Variants in NAV3 observed in about 807,000 individuals in gnomAD.
The protein encoded by NAV3 is neuron navigator 3, also known as pore membrane and/or filament interacting like protein 1.
NAV3 carries 87 observed loss-of-function variants against 244.7 expected under a neutral mutation model. The observed-to-expected ratio is 0.36, with a 90% CI of 0.30 to 0.42. The LOEUF (loss-of-function observed/expected upper bound fraction) is 0.42, where lower values mean the gene tolerates loss of function less well. NAV3 is among the 20% of genes least tolerant of loss of function. The probability of loss-of-function intolerance (pLI) is 1.00; values close to 1 mark genes in which losing one functional copy is unlikely to be tolerated. For synonymous variants in NAV3, 1,126 were observed against 1,042.2 expected (o/e 1.08, Z -1.55); for missense variants, 2,663 against 2,893.3 (o/e 0.92, Z 1.83).
chr12:77,630,440 G>T (rs1006248071), intron 2 of NAV3, among the ~76,000 whole-genome samples: 1 of 152,100 alleles, frequency 6.6e-6, no homozygotes, highest in Admixed American at 6.6e-5. Context: ...AGTTTCCTGG[G>T]TTTAATCTGC....
chr12:77,986,295 G>A (rs1461579625), intron 5 of NAV3, among the ~76,000 whole-genome samples: 1 of 152,204 alleles, frequency 6.6e-6, no homozygotes. Context: ...CTGAGAGGTG[G>A]AGGTTGCAGT....
At chr12:78,080,562 A>G (rs1225608641) in intron 12 of NAV3, among the ~76,000 whole-genome samples, 1 of 152,230 alleles carries the variant, frequency 6.6e-6, no homozygotes, top group East Asian at 1.9e-4. Flanking sequence ...AGTGGGTATC[A>G]GTATTGATTA....
At position 77,850,194 on chromosome 12, in the gene NAV3, C is replaced by T. The variant is rs1877296773; in HGVS notation, c.243+18490C>T. On this transcript the variant is annotated intron_variant, in intron 1 of 39. Coordinates refer to ENST00000397909, the MANE Select transcript of NAV3 (RefSeq NM_001024383.2). ...GGTGGAACATGTTTGAGTCATCCTCCAACACTTACAAGTGTTTTTGGCATT... is the reference window on the plus strand; with the variant it reads ...GGTGGAACATGTTTGAGTCATCCTCTAACACTTACAAGTGTTTTTGGCATT... Among the ~76,000 whole-genome samples, 4 of 152,184 alleles carry T rather than the reference C, an allele frequency of 2.6e-5. No homozygotes were observed. In the South Asian group the frequency reaches 8.3e-4, roughly 31 times the overall value.
intron 2 of NAV3, among the ~76,000 whole-genome samples, chr12:77,656,701 G>C (rs368348905): frequency 8.2e-5 from 12 of 146,434 alleles, no homozygotes; most frequent in African/African-American, 1.6e-4. Flanking sequence ...TGACCACATA[G>C]TTGGAAGTAA....
At chr12:77,953,634 C>T (rs1317788967) in intron 3 of NAV3, among the ~76,000 whole-genome samples, 3 of 152,140 alleles carry the variant, frequency 2.0e-5, no homozygotes, top group African/African-American at 7.2e-5. Flanking sequence ...TATTTTGCAA[C>T]ACAAACACAT....
intron 2 of NAV3, among the ~76,000 whole-genome samples, chr12:77,586,105 T>C (rs1047149633): frequency 2.6e-5 from 4 of 151,998 alleles, no homozygotes; most frequent in African/African-American, 7.2e-5. Context: ...GAGCTTGCAG[T>C]GAGCCGAGAT....
intron 2 of NAV3, among the ~76,000 whole-genome samples, chr12:77,692,625 C>T (rs573457839): frequency 6.6e-6 from 1 of 152,040 alleles, no homozygotes; most frequent in Non-Finnish European, 1.5e-5. Context: ...TGAGCTGCTA[C>T]CAATGCCTAG....
At chr12:77,608,821 C>T (rs1383078491) in intron 2 of NAV3, among the ~76,000 whole-genome samples, 1 of 152,056 alleles carries the variant, frequency 6.6e-6, no homozygotes, top group Non-Finnish European at 1.5e-5. Flanking sequence ...TACCCCTAGA[C>T]TGGGAGTCAG....
Position 78,034,052 on chromosome 12 carries a change from T to C in NAV3, c.2023+12190T>C, listed in dbSNP as rs556539734. ...AATGTCAGCAAAATACATCTTTGTA[T>C]TGAATGCCACTGAAGTTTCTAAACC... On this transcript the variant is annotated intron_variant, in intron 9 of 39. Coordinates refer to ENST00000397909, the MANE Select transcript of NAV3 (RefSeq NM_001024383.2). Among the ~76,000 whole-genome samples, 5 of 152,348 alleles carry C rather than the reference T, an allele frequency of 3.3e-5. No homozygotes were observed. In the East Asian group the frequency reaches 7.7e-4, roughly 24 times the overall value.
chr12:77,887,084 A>G lies in NAV3; in HGVS notation c.244-53235A>G, dbSNP rs543237106. On this transcript the variant is annotated intron_variant, in intron 1 of 39. Coordinates refer to ENST00000397909, the MANE Select transcript of NAV3 (RefSeq NM_001024383.2). ...CGTTAGAGAAGAACCCATTCTGGAG[A>G]AATAGAGGAACCTCTCACAGTGGCT... Among the ~76,000 whole-genome samples the G allele has an allele frequency of 6.6e-5, 10 of 152,276 alleles. 1 individual carries two copies. In the South Asian group the frequency reaches 2.1e-3, roughly 32 times the overall value.
intron 2 of NAV3, among the ~76,000 whole-genome samples, chr12:77,574,644 G>C (rs1175006621): frequency 6.6e-6 from 1 of 152,090 alleles, no homozygotes; most frequent in South Asian, 2.1e-4. Context: ...ATGGTGTTTG[G>C]CATATTGTAC....
rs115984532 is a variant in NAV3 at position 77,963,769 on chromosome 12, A to G, written c.415-2460A>G. On this transcript the variant is annotated intron_variant, in intron 3 of 39. Transcript: ENST00000397909. ...GTAAAAATGGTTGAATGCTCCTGAT[A>G]AATACATTTGAAAATAAAAAAGAAT... is the stretch of plus-strand genomic sequence containing the variant. Among the ~76,000 whole-genome samples, 510 of 152,210 alleles carry G rather than the reference A, an allele frequency of 3.4e-3. 4 individuals carry two copies. Among genetic ancestry groups the G allele is most frequent in the African/African-American group, 0.012 (484 of 41,494 alleles).
At chr12:77,895,157 TA>T (rs1884430876) in intron 1 of NAV3, among the ~76,000 whole-genome samples, 1 of 152,204 alleles carries the variant, frequency 6.6e-6, no homozygotes, top group African/African-American at 2.4e-5. Flanking sequence ...CAGATTCACC[TA>T]ACATAGACTT....
chr12:78,187,284 G>A lies in NAV3; in HGVS notation c.5791-964G>A, dbSNP rs529267769. 2.0e-5 allele frequency among the ~76,000 whole-genome samples: 3 copies of A among 151,860 alleles called. No individual in the cohort carries two copies. In the East Asian group the frequency reaches 5.8e-4, roughly 29 times the overall value. On this transcript the variant is annotated intron_variant, in intron 31 of 39. Transcript: ENST00000397909. ...GAGCCAGCTAAGTGATTTACCTAAG[G>A]TCACATTTCTTAATTAGGTGGTAGG...
At chr12:78,059,241 T>A (rs1390140797) in intron 12 of NAV3, 126 bp downstream of exon 12, 2 of 878,572 alleles carry the variant, frequency 2.3e-6, no homozygotes, top group Admixed American at 3.9e-5. Context: ...ATAATTATTT[T>A]ATTTTGATAA....
chr12:77,602,234 C>A lies in NAV3; in HGVS notation c.72+29968C>A, dbSNP rs138082015. Among the ~76,000 whole-genome samples the A allele has an allele frequency of 2.1e-3, 318 of 151,964 alleles. 2 individuals are homozygous for A. Among genetic ancestry groups the A allele is most frequent in the African/African-American group, 7.3e-3 (303 of 41,490 alleles). ...AGTCTCCAGTCTGGATGGCAATGTA[C>A]CCAGCTAAAACTTGGAAATTGAATT... On this transcript the variant is annotated intron_variant, in intron 2 of 8. Coordinates refer to the NAV3 transcript ENST00000550042.
At chr12:77,602,147 A>G (rs1870461220) in intron 2 of NAV3, among the ~76,000 whole-genome samples, 1 of 152,022 alleles carries the variant, frequency 6.6e-6, no homozygotes, top group African/African-American at 2.4e-5. Context: ...TTTTGCTCAC[A>G]TTCTATTGGC....
intron 1 of NAV3, among the ~76,000 whole-genome samples, chr12:77,880,655 A>T (rs951348611): frequency 1.3e-5 from 2 of 152,176 alleles, no homozygotes; most frequent in African/African-American, 4.8e-5. Flanking sequence ...TTGTGGTACC[A>T]TAAGATTATA....
chr12:78,121,321 C>T (rs1469582315), intron 15 of NAV3, among the ~76,000 whole-genome samples: 2 of 152,180 alleles, frequency 1.3e-5, no homozygotes, highest in Non-Finnish European at 2.9e-5. Flanking sequence ...TTGAATAGCA[C>T]TGGCAACTGA....
Sources: allele counts gnomAD v4.1 joint callset (sites outside exome capture counted in the v4.1 genomes callset), GRCh38; gene constraint gnomAD v4.1.1; transcripts MANE v1.5; gene names NCBI Gene and HGNC (gene_info 2026-07-23, HGNC 2026-07-21).